ACVR1: variants seen among roughly 807,000 people sequenced by gnomAD.
ACVR1 encodes activin A receptor type 1.
In ACVR1, 38 loss-of-function variants were observed where a neutral mutation model predicts 57.1. The ratio of observed to expected loss-of-function variants is 0.67; its 90% CI spans 0.51 to 0.87. The LOEUF is 0.87. Ranked by LOEUF, ACVR1 falls within the 40% of genes least tolerant of loss-of-function variation. ACVR1 has a pLI of 0.00. For missense variants in ACVR1, 463 were observed against 638.2 expected, an observed-to-expected ratio of 0.73 and a Z score of 2.96; for synonymous variants, 212 against 228.1, an observed-to-expected ratio of 0.93 and a Z score of 0.63.
chr2:157,834,051 T>C (rs28637949), intron 1 of ACVR1, among the ~76,000 whole-genome samples: 102,502 of 152,060 alleles, frequency 0.67, 38,356 homozygotes, highest in South Asian at 0.83. Flanking sequence ...ACTTTGTTCA[T>C]ACAAAGGGCA....
intron 8 of ACVR1, among the ~76,000 whole-genome samples, chr2:157,765,055 G>C (rs1389611859): frequency 1.3e-5 from 2 of 152,048 alleles, no homozygotes; most frequent in Admixed American, 1.3e-4. Context: ...TATAAACCAT[G>C]TTTAATCAAG....
intron 2 of ACVR1, among the ~76,000 whole-genome samples, chr2:157,811,834 C>CA (rs1215602721): frequency 6.6e-6 from 1 of 152,032 alleles, no homozygotes; most frequent in African/African-American, 2.4e-5. Flanking sequence ...AAATAGAATA[C>CA]AAAAAAGAAA....
chr2:157,766,718 C>T (rs1172234438), intron 7 of ACVR1, among the ~76,000 whole-genome samples: 3 of 151,886 alleles, frequency 2.0e-5, no homozygotes, highest in Non-Finnish European at 4.4e-5. Context: ...GACTGATTCA[C>T]GAAATAAAAA....
Position 157,770,582 on chromosome 2 carries a change from G to A in ACVR1, c.644-68C>T, listed in dbSNP as rs1272920581. On this transcript the variant is annotated intron_variant, in intron 6 of 10. Coordinates refer to ENST00000434821, the MANE Select transcript of ACVR1 (RefSeq NM_001111067.4). ...TTGGAGGCAGCCAGCCCATCATTAA[G>A]AATAATTAATTTAGTGCATGCAACT... is the stretch of plus-strand genomic sequence containing the variant. The A allele has an allele frequency of 2.3e-5, 35 of 1,540,792 alleles. No individual in the cohort carries two copies. In the Admixed American group the frequency reaches 5.9e-4, roughly 26 times the overall value.
chr2:157,784,836 C>A (rs1686657330), intron 3 of ACVR1, among the ~76,000 whole-genome samples: 1 of 152,226 alleles, frequency 6.6e-6, no homozygotes, highest in Non-Finnish European at 1.5e-5. Context: ...GAGTCTAATG[C>A]CGGACTAGCA....
chr2:157,757,044 A>ATTTG (rs1559039320), intron 9 of ACVR1, among the ~76,000 whole-genome samples: 118 of 87,058 alleles, frequency 1.4e-3, no homozygotes, highest in African/African-American at 7.5e-3. Flanking sequence ...ATATATATAT[A>ATTTG]AAATAGAATA....
chr2:157,783,449 C>A (rs1432641623), intron 3 of ACVR1, among the ~76,000 whole-genome samples: 2 of 152,174 alleles, frequency 1.3e-5, no homozygotes, highest in African/African-American at 4.8e-5. Context: ...TGTACCTAGG[C>A]TTTAATCCTG....
At chr2:157,756,377 C>A (rs1185413837) in intron 9 of ACVR1, among the ~76,000 whole-genome samples, 2 of 152,108 alleles carry the variant, frequency 1.3e-5, no homozygotes, top group Non-Finnish European at 2.9e-5. Flanking sequence ...TGACACCCCA[C>A]AGAGTGGGAG....
rs751611274 is a variant in ACVR1 at position 157,825,586 on chromosome 2, A to G, written c.-182-7027T>C. 3.3e-5 allele frequency among the ~76,000 whole-genome samples: 5 copies of G among 152,190 alleles called. 1 individual carries two copies. The highest frequency in any genetic ancestry group is 5.9e-5 in the Non-Finnish European group (4 of 68,016). On this transcript the variant is annotated intron_variant, in intron 1 of 10. Transcript: ENST00000434821. The stretch of plus-strand genomic sequence containing the variant: ...GAGCGAACCCTATTGTGAACTGCAC[A>G]TGTGGGGAATCTAGGTTGTACACTC...
intron 1 of ACVR1, among the ~76,000 whole-genome samples, chr2:157,832,407 G>T (rs998332069): frequency 1.3e-5 from 2 of 152,202 alleles, no homozygotes; most frequent in African/African-American, 4.8e-5. Context: ...CAAGTCAAGA[G>T]TCAGGACTGA....
intron 9 of ACVR1, among the ~76,000 whole-genome samples, chr2:157,756,973 TTA>T (rs529691149): frequency 1.4e-5 from 2 of 143,156 alleles, no homozygotes; most frequent in Non-Finnish European, 1.5e-5. Context: ...TTATATATAT[TTA>T]TATATATATA....
chr2:157,814,000 A>G (rs16842110), intron 2 of ACVR1, among the ~76,000 whole-genome samples: 2,653 of 152,328 alleles, frequency 0.017, 78 homozygotes, highest in African/African-American at 0.06. Flanking sequence ...ATTTCCTCCA[A>G]TGTAAGTAAG....
intron 2 of ACVR1, among the ~76,000 whole-genome samples, chr2:157,816,337 G>A (rs1318549006): frequency 6.6e-6 from 1 of 151,572 alleles, no homozygotes; most frequent in Admixed American, 6.6e-5. Flanking sequence ...AAAATATAAA[G>A]CTATGGGGGG....
chr2:157,798,212 A>ATG (rs1481030594), intron 3 of ACVR1, among the ~76,000 whole-genome samples: 1 of 152,026 alleles, frequency 6.6e-6, no homozygotes, highest in East Asian at 1.9e-4. Context: ...AACACAAAGT[A>ATG]TGTATGTCTT....
At chr2:157,747,360 A>G (rs1052188916) in intron 9 of ACVR1, among the ~76,000 whole-genome samples, 1 of 152,156 alleles carries the variant, frequency 6.6e-6, no homozygotes, top group African/African-American at 2.4e-5. Flanking sequence ...ATTAAGAATC[A>G]TTTCCCTGAA....
chr2:157,865,985 T>G (rs1377779277), intron 1 of ACVR1, among the ~76,000 whole-genome samples: 1 of 152,148 alleles, frequency 6.6e-6, no homozygotes, highest in Admixed American at 6.5e-5. Context: ...GGTTTCACTG[T>G]ACACCCTTCC....
At position 157,765,896 on chromosome 2, in the gene ACVR1, G is replaced by A. The variant is rs559284829; in HGVS notation, c.1066+25C>T. On this transcript the variant is annotated intron_variant, in intron 8 of 10. Transcript: ENST00000434821. ...TTGAAACAAAAATAAAACTGGTGAG[G>A]AAAAAAATATTTTTAGAAATTTACC... The A allele has an allele frequency of 1.9e-6, 3 of 1,612,902 alleles. No individual in the cohort carries two copies. In the Admixed American group the frequency reaches 5.0e-5, roughly 27 times the overall value.
At chr2:157,774,240 T>A (rs1010685464) in intron 5 of ACVR1, 53 bp from the exon 6 acceptor site, 1 of 1,427,704 alleles carries the variant, frequency 7.0e-7, no homozygotes, top group Non-Finnish European at 9.9e-7. Context: ...TAGCTCCCAC[T>A]TTGGAGTATT....
intron 3 of ACVR1, among the ~76,000 whole-genome samples, chr2:157,780,918 A>C (rs1686495058): frequency 6.6e-6 from 1 of 152,200 alleles, no homozygotes; most frequent in South Asian, 2.1e-4. Context: ...TATAACCTTC[A>C]GCGTGATTGG....
Sources: gnomAD v4.1 joint callset for allele counts (sites outside exome capture counted in the v4.1 genomes callset) on GRCh38, gnomAD v4.1.1 for gene constraint, MANE v1.5 for transcripts, NCBI Gene and HGNC (gene_info 2026-07-23, HGNC 2026-07-21) for gene names.